Variants in NALF1 observed in about 807,000 individuals in gnomAD.
The protein encoded by NALF1 is NALCN channel auxiliary factor 1.
In NALF1, 3 loss-of-function variants were observed where a neutral mutation model predicts 48.4. That is an observed-to-expected ratio of 0.06 (90% confidence interval 0.03 to 0.16). The LOEUF is 0.16. Among genes scored for constraint, NALF1 ranks in the 10% least tolerant of loss-of-function variants. The pLI, the probability that NALF1 is intolerant of heterozygous loss-of-function variation, is 1.00. For synonymous variants in NALF1, 262 were observed against 245.7 expected, an observed-to-expected ratio of 1.07 and a Z score of -0.62; for missense variants, 526 against 571.5, an observed-to-expected ratio of 0.92 and a Z score of 0.81.
intron 1 of NALF1, among the ~76,000 whole-genome samples, chr13:107,261,516 G>A (rs1014646728): frequency 6.6e-6 from 1 of 152,192 alleles, no homozygotes; most frequent in Non-Finnish European, 1.5e-5. Flanking sequence ...TGATGGTCAA[G>A]TTCAAGGGTA....
chr13:107,790,116 GACATA>G (rs1288742173), intron 1 of NALF1, among the ~76,000 whole-genome samples: 1 of 152,114 alleles, frequency 6.6e-6, no homozygotes, highest in East Asian at 1.9e-4. Flanking sequence ...GAGTGGTTCA[GACATA>G]ATATTTAAGA....
intron 1 of NALF1, among the ~76,000 whole-genome samples, chr13:107,224,634 TG>T: frequency 6.6e-6 from 1 of 152,134 alleles, no homozygotes; most frequent in East Asian, 1.9e-4. Context: ...CTGACTGCCA[TG>T]GATCCTGAAA....
intron 1 of NALF1, among the ~76,000 whole-genome samples, chr13:107,472,714 T>C (rs1885120405): frequency 6.6e-6 from 1 of 152,170 alleles, no homozygotes; most frequent in Non-Finnish European, 1.5e-5. Context: ...CCAGGGGCTC[T>C]CGGGCCATTG....
chr13:107,689,105 T>C (rs560087529), intron 1 of NALF1, among the ~76,000 whole-genome samples: 1 of 152,058 alleles, frequency 6.6e-6, no homozygotes, highest in Non-Finnish European at 1.5e-5. Flanking sequence ...TTTTTTGTAT[T>C]CCCCTTGTCA....
chr13:107,424,654 T>C, intron 1 of NALF1, among the ~76,000 whole-genome samples: 1 of 152,184 alleles, frequency 6.6e-6, no homozygotes, highest in East Asian at 1.9e-4. Context: ...GACAGTCACT[T>C]GTAAAATGAA....
chr13:107,225,056 T>C (rs1044421770), intron 1 of NALF1, among the ~76,000 whole-genome samples: 3 of 152,220 alleles, frequency 2.0e-5, no homozygotes, highest in African/African-American at 7.2e-5. Flanking sequence ...TCACCCAGGC[T>C]GGAGTGCAGT....
chr13:107,508,155 G>A (rs912551883), intron 1 of NALF1, among the ~76,000 whole-genome samples: 1 of 152,064 alleles, frequency 6.6e-6, no homozygotes, highest in Non-Finnish European at 1.5e-5. Flanking sequence ...TGACACTTGA[G>A]ATGGTAAATG....
intron 1 of NALF1, among the ~76,000 whole-genome samples, chr13:107,359,584 T>C (rs1883024953): frequency 6.6e-6 from 1 of 151,932 alleles, no homozygotes; most frequent in Non-Finnish European, 1.5e-5. Context: ...TTTGTTTCCC[T>C]TTCCTCCTTC....
At chr13:107,179,623 A>ATGTT (rs1287166221) in intron 2 of NALF1, among the ~76,000 whole-genome samples, 2 of 149,970 alleles carry the variant, frequency 1.3e-5, no homozygotes, top group Non-Finnish European at 3.0e-5. Flanking sequence ...TATCTCAATA[A>ATGTT]TGTTATACCT....
At chr13:107,761,789 G>A (rs1358952687) in intron 1 of NALF1, among the ~76,000 whole-genome samples, 3 of 152,130 alleles carry the variant, frequency 2.0e-5, no homozygotes, top group Non-Finnish European at 4.4e-5. Flanking sequence ...TCCAATAGTG[G>A]TTCTGTTACT....
intron 1 of NALF1, among the ~76,000 whole-genome samples, chr13:107,257,323 T>G (rs561161624): frequency 1.6e-3 from 239 of 152,280 alleles, no homozygotes; most frequent in African/African-American, 5.6e-3. Flanking sequence ...AATAAGACCG[T>G]TGTGACTACT....
intron 1 of NALF1, among the ~76,000 whole-genome samples, chr13:107,300,641 CA>C (rs1231762355): frequency 6.6e-6 from 1 of 152,044 alleles, no homozygotes; most frequent in Non-Finnish European, 1.5e-5. Context: ...GCTAAAATTT[CA>C]TTCTATTTGA....
At chr13:107,676,907 A>G (rs1375961040) in intron 1 of NALF1, among the ~76,000 whole-genome samples, 2 of 152,222 alleles carry the variant, frequency 1.3e-5, no homozygotes, top group African/African-American at 4.8e-5. Flanking sequence ...ATACCAAAAG[A>G]ATTCTGAAAT....
intron 1 of NALF1, among the ~76,000 whole-genome samples, chr13:107,601,333 A>T (rs1020011335): frequency 6.6e-6 from 1 of 152,184 alleles, no homozygotes; most frequent in Non-Finnish European, 1.5e-5. Flanking sequence ...AACTTGAAAC[A>T]ATCTTGTAGA....
chr13:107,365,058 CCCTCTT>C (rs1451883977), intron 1 of NALF1, among the ~76,000 whole-genome samples: 5 of 143,908 alleles, frequency 3.5e-5, no homozygotes, highest in Admixed American at 7.0e-5. Flanking sequence ...CTCTCCCTCT[CCCTCTT>C]CCTCTTCCTT....
chr13:107,799,014 C>T (rs991363091), intron 1 of NALF1, among the ~76,000 whole-genome samples: 64 of 152,060 alleles, frequency 4.2e-4, no homozygotes, highest in African/African-American at 1.5e-3. Context: ...CTTAGAGAGC[C>T]CTATATAATA....
intron 1 of NALF1, among the ~76,000 whole-genome samples, chr13:107,616,291 T>C (rs1439244860): frequency 6.6e-6 from 1 of 152,214 alleles, no homozygotes; most frequent in African/African-American, 2.4e-5. Context: ...AGCTGATTTC[T>C]GTCAACACGC....
chr13:107,692,838 C>A (rs922436646), intron 1 of NALF1, among the ~76,000 whole-genome samples: 3 of 152,138 alleles, frequency 2.0e-5, no homozygotes, highest in Non-Finnish European at 2.9e-5. Flanking sequence ...TCTGCCTGAA[C>A]AACTAGAAGA....
At chr13:107,283,001 C>T (rs1881418373) in intron 1 of NALF1, among the ~76,000 whole-genome samples, 1 of 152,176 alleles carries the variant, frequency 6.6e-6, no homozygotes, top group African/African-American at 2.4e-5. Flanking sequence ...AGAAAAACTT[C>T]AGTATTCACT....
Sources: gnomAD v4.1 joint callset for allele counts (sites outside exome capture counted in the v4.1 genomes callset) on GRCh38, gnomAD v4.1.1 for gene constraint, MANE v1.5 for transcripts, NCBI Gene and HGNC (gene_info 2026-07-23, HGNC 2026-07-21) for gene names.